Variants in SSBP3 observed in about 807,000 individuals in gnomAD.
SSBP3 encodes single-stranded DNA-binding protein 3.
Under a neutral mutation model 69.6 loss-of-function variants are expected in SSBP3, and 5 were observed. That is an observed-to-expected ratio of 0.07 (90% confidence interval 0.04 to 0.15). The LOEUF (loss-of-function observed/expected upper bound fraction) is 0.15. SSBP3 is among the 10% of genes least tolerant of loss of function. The pLI is 1.00. For missense variants in SSBP3, 312 were observed against 534.0 expected (o/e 0.58, Z 4.10); for synonymous variants, 196 against 193.4 (o/e 1.01, Z -0.11).
At chr1:54,411,824 G>A (rs1286400740) in intron 1 of SSBP3, among the ~76,000 whole-genome samples, 4 of 150,704 alleles carry the variant, frequency 2.7e-5, no homozygotes, top group East Asian at 2.0e-4. Context: ...CACAGGAGGC[G>A]GAGCTTGCAG....
chr1:54,379,015 A>ACCGCCTGGCCAGGTCCCCGCCC (rs1647412440), intron 4 of SSBP3, among the ~76,000 whole-genome samples: 4 of 149,480 alleles, frequency 2.7e-5, no homozygotes, highest in Non-Finnish European at 4.5e-5. Context: ...TGGCCCCGCC[A>ACCGCCTGGCCAGGTCCCCGCCC]CCGCCTGGCC....
intron 17 of SSBP3, among the ~76,000 whole-genome samples, chr1:54,227,738 C>T (rs141271586): frequency 3.2e-4 from 49 of 152,248 alleles, no homozygotes; most frequent in Non-Finnish European, 5.4e-4. Context: ...ACACTACACC[C>T]GGCTAATTTT....
chr1:54,234,265 A>T (rs1296138449), intron 14 of SSBP3, among the ~76,000 whole-genome samples: 4 of 149,370 alleles, frequency 2.7e-5, no homozygotes, highest in Non-Finnish European at 4.5e-5. Flanking sequence ...TCACTTGTTT[A>T]TCTGCTGACC....
intron 4 of SSBP3, among the ~76,000 whole-genome samples, chr1:54,369,211 CTT>C (rs1647079910): frequency 8.4e-6 from 1 of 119,390 alleles, no homozygotes; most frequent in Non-Finnish European, 1.6e-5. Flanking sequence ...AAAAAGTCCT[CTT>C]GAGTCGGGGG....
intron 4 of SSBP3, among the ~76,000 whole-genome samples, chr1:54,284,644 T>A (rs1457011873): frequency 6.6e-6 from 1 of 151,958 alleles, no homozygotes; most frequent in African/African-American, 2.4e-5. Context: ...ATTTTTAAAA[T>A]TTTTTGTAGA....
chr1:54,316,860 T>C (rs1646124459), intron 4 of SSBP3, among the ~76,000 whole-genome samples: 1 of 152,084 alleles, frequency 6.6e-6, no homozygotes, highest in African/African-American at 2.4e-5. Flanking sequence ...GCAAATTTGG[T>C]GTCTGGTGAG....
At chr1:54,404,334 G>C (rs953600592) in intron 3 of SSBP3, among the ~76,000 whole-genome samples, 4 of 152,150 alleles carry the variant, frequency 2.6e-5, no homozygotes, top group African/African-American at 9.7e-5. Context: ...GTAAAAGTAA[G>C]GAGTTTCTAC....
intron 14 of SSBP3, among the ~76,000 whole-genome samples, chr1:54,229,667 G>C (rs556455038): frequency 6.6e-6 from 1 of 152,216 alleles, no homozygotes; most frequent in African/African-American, 2.4e-5. Context: ...CCACAGCCAC[G>C]AGTCACGGGG....
intron 4 of SSBP3, among the ~76,000 whole-genome samples, chr1:54,307,902 G>A (rs1645929390): frequency 6.6e-6 from 1 of 152,110 alleles, no homozygotes; most frequent in Admixed American, 6.5e-5. Context: ...GCAATCAGCA[G>A]CCCTCGGGGC....
chr1:54,332,707 C>T (rs1164268125), intron 4 of SSBP3, among the ~76,000 whole-genome samples: 6 of 152,102 alleles, frequency 3.9e-5, no homozygotes, highest in African/African-American at 1.4e-4. Flanking sequence ...AAGCCTAAGG[C>T]ATCCCTCTGT....
At chr1:54,239,310 C>G in intron 13 of SSBP3, 111 bp from the exon 14 acceptor site, 1 of 783,338 alleles carries the variant, frequency 1.3e-6, no homozygotes, top group Non-Finnish European at 2.0e-6. Flanking sequence ...AAAATTTCCT[C>G]TAAGTACCAC....
At chr1:54,325,957 C>G (rs1049918402) in intron 4 of SSBP3, among the ~76,000 whole-genome samples, 2 of 151,718 alleles carry the variant, frequency 1.3e-5, no homozygotes, top group African/African-American at 4.8e-5. Context: ...AGCTCCCCCC[C>G]GCCACCCCCC....
At chr1:54,256,686 C>A (rs987652200) in intron 7 of SSBP3, among the ~76,000 whole-genome samples, 1 of 152,190 alleles carries the variant, frequency 6.6e-6, no homozygotes, top group African/African-American at 2.4e-5. Flanking sequence ...CCATTTCCCC[C>A]CCTAATAGCA....
At chr1:54,248,915 G>A (rs892398726) in intron 9 of SSBP3, among the ~76,000 whole-genome samples, 3 of 152,188 alleles carry the variant, frequency 2.0e-5, no homozygotes, top group African/African-American at 7.2e-5. Context: ...AGTTCCTGAG[G>A]TTGGCAAGGG....
chr1:54,379,776 A>C (rs1647471395), intron 4 of SSBP3, among the ~76,000 whole-genome samples: 1 of 152,192 alleles, frequency 6.6e-6, no homozygotes, highest in African/African-American at 2.4e-5. Flanking sequence ...TTCTCTGGAC[A>C]TCACTCCATT....
exon 18 of SSBP3, chr1:54,225,615 ATC>A (rs1644273685): frequency 2.6e-6 from 1 of 388,660 alleles, no homozygotes; most frequent in Non-Finnish European, 4.4e-6. Flanking sequence ...GGCAGATGAT[ATC>A]TCACATAATA....
In SSBP3 at chr1:54,315,515, C is replaced by T. The variant is rs532045498; in HGVS notation, c.277-33988G>A. Among the ~76,000 whole-genome samples, 15 of 151,658 alleles carry T rather than the reference C, an allele frequency of 9.9e-5. No homozygotes were observed. In the South Asian group the frequency reaches 3.1e-3, roughly 31 times the overall value. On this transcript the variant is annotated intron_variant, in intron 4 of 17. Transcript: ENST00000610401. The stretch of plus-strand genomic sequence containing the variant: ...AAAGAGATTCTTCAATGTTTAATAA[C>T]TTCCAGTGCAAGTTAAAATGCAGTT...
At chr1:54,327,234 A>AAGGG (rs1188229828) in intron 4 of SSBP3, among the ~76,000 whole-genome samples, 2 of 109,540 alleles carry the variant, frequency 1.8e-5, no homozygotes, top group Non-Finnish European at 4.4e-5. Flanking sequence ...GGAAGGAAGG[A>AAGGG]AGGAAGGAAG....
chr1:54,235,161 A>G (rs1428343792), intron 14 of SSBP3, among the ~76,000 whole-genome samples: 1 of 152,134 alleles, frequency 6.6e-6, no homozygotes, highest in Non-Finnish European at 1.5e-5. Context: ...CATCTCTCCA[A>G]AGATGTCCAT....
Sources: gnomAD v4.1 joint callset for allele counts (sites outside exome capture counted in the v4.1 genomes callset) on GRCh38, gnomAD v4.1.1 for gene constraint, MANE v1.5 for transcripts, NCBI Gene and HGNC (gene_info 2026-07-23, HGNC 2026-07-21) for gene names.